FAT2: variants seen among roughly 807,000 people sequenced by gnomAD.
The protein encoded by FAT2 is FAT atypical cadherin 2, also known as protocadherin Fat 2.
FAT2 carries 150 observed loss-of-function variants against 295.3 expected under a neutral mutation model. That is an observed-to-expected ratio of 0.51 (90% CI 0.44 to 0.58). The LOEUF (loss-of-function observed/expected upper bound fraction) is 0.58, where lower values mean the gene tolerates loss of function less well. Among genes scored for constraint, FAT2 ranks in the 20% least tolerant of loss-of-function variants. The pLI is 0.00. For missense variants in FAT2, 4,868 were observed against 5,442.7 expected, an observed-to-expected ratio of 0.89 and a Z score of 3.32; for synonymous variants, 2,026 against 2,150.3, an observed-to-expected ratio of 0.94 and a Z score of 1.60.
intron 7 of FAT2, among the ~76,000 whole-genome samples, 171 bp downstream of exon 7, chr5:151,551,296 G>T (rs1399433485): frequency 6.6e-6 from 1 of 152,168 alleles, no homozygotes; most frequent in Non-Finnish European, 1.5e-5. Context: ...GTGGGAGAAA[G>T]AATTCTCCCA....
chr5:151,537,269 G>C (rs1027216434), intron 12 of FAT2, among the ~76,000 whole-genome samples: 4 of 149,682 alleles, frequency 2.7e-5, no homozygotes, highest in Admixed American at 2.0e-4. Context: ...AGAAGACGAT[G>C]GTGGTGGTGG....
chr5:151,584,672 A>G (rs1759101197), intron 1 of FAT2, among the ~76,000 whole-genome samples: 1 of 152,232 alleles, frequency 6.6e-6, no homozygotes, highest in African/African-American at 2.4e-5. Context: ...TCAGCAACCC[A>G]CAAAGGCAGG....
chr5:151,549,941 A>G (rs1339751039), intron 8 of FAT2, among the ~76,000 whole-genome samples: 1 of 152,188 alleles, frequency 6.6e-6, no homozygotes, highest in Non-Finnish European at 1.5e-5. Flanking sequence ...TGCCCAGAGG[A>G]TGATAAATTA....
Position 151,563,604 on chromosome 5 carries a change from A to C in FAT2, c.3295T>G (p.Phe1099Val), listed in dbSNP as rs758359024. 6.2e-7 allele frequency: 1 copy of C among 1,614,156 alleles called. No homozygotes were observed. Among genetic ancestry groups the C allele is most frequent in the South Asian group, 1.1e-5 (1 of 91,058 alleles). ...ACCGTCAACCAGTAGTAAGATGCAA[A>C]TTCTCGGTCCAGGGGTGCCAGAGTC... ...IQTLAPLDRE[F>V]ASYYWLTVLA... is the part of the protein sequence containing the mutation. The change falls in exon 3 of 24, where the codon TTT (phenylalanine) becomes GTT (valine). Residue 1099 changes from phenylalanine to valine, a missense_variant. Transcript: ENST00000261800.
intron 12 of FAT2, among the ~76,000 whole-genome samples, chr5:151,536,806 A>C (rs1259115658): frequency 6.6e-6 from 1 of 152,146 alleles, no homozygotes; most frequent in African/African-American, 2.4e-5. Context: ...CTTGGCCATG[A>C]CACTCACCTG....
chr5:151,549,273 A>G (rs764018856), intron 9 of FAT2, 22 bp downstream of exon 9: 90 of 1,609,204 alleles, frequency 5.6e-5, no homozygotes, highest in Non-Finnish European at 5.6e-5. Flanking sequence ...CCATCCTCTG[A>G]GCTCATGGCC....
In FAT2 at chr5:151,521,826, G is replaced by A. The variant is rs370086799; in HGVS notation, c.10767C>T (p.Ala3589=). The A allele has an allele frequency of 1.7e-5, 28 of 1,614,016 alleles. No homozygotes were observed. Among genetic ancestry groups the A allele is most frequent in the Admixed American group, 1.0e-4 (6 of 60,004 alleles). The change falls in exon 19 of 24, where the codon GCC becomes GCT. Residue 3589 remains alanine, a synonymous_variant. Transcript: ENST00000261800. ...SVGAPDGKII[A]AQGLPRGHYS... ...AGTGGCCACGAGGCAGGCCCTGGGC[G>A]GCGATAATCTTGCCATCAGGCGCAC... is the stretch of plus-strand genomic sequence containing the variant.
In FAT2 at chr5:151,531,808, G is replaced by A. The variant is rs769750949; in HGVS notation, c.9590C>T (p.Pro3197Leu). The A allele has an allele frequency of 1.9e-6, 3 of 1,613,536 alleles. No individual in the cohort carries two copies. Among genetic ancestry groups the A allele is most frequent in the East Asian group, 2.2e-5 (1 of 44,846 alleles). Residue 3197 changes from proline (P) to leucine (L), a missense_variant, in exon 14 of 24, where the codon CCG becomes CTG. Physicochemically the swap from Pro to Leu is moderately conservative, Grantham distance 98. Transcript: ENST00000261800. The surrounding 1 kb of genome is among the most constrained non-coding windows in gnomAD (Gnocchi z 5.7). Reference sequence around the variant, plus strand: ...TGTGACGGTGCCCAGCGTGGACAGCGGTATTGGGGTGCCCAGGTCAGAGGC... The same window carrying A: ...TGTGACGGTGCCCAGCGTGGACAGCAGTATTGGGGTGCCCAGGTCAGAGGC... ...VRASDLGTPI[P>L]LSTLGTVTVS...
At chr5:151,513,722 C>CA (rs1752556139) in intron 20 of FAT2, among the ~76,000 whole-genome samples, 2 of 152,158 alleles carry the variant, frequency 1.3e-5, no homozygotes, top group African/African-American at 4.8e-5. Flanking sequence ...AACAAACCTG[C>CA]ATATGTACCC....
chr5:151,592,841 A>G (rs139213812), upstream of FAT2, among the ~76,000 whole-genome samples: 444 of 152,304 alleles, frequency 2.9e-3, no homozygotes, highest in Non-Finnish European at 4.8e-3. Context: ...TAGTGAAACC[A>G]TGAAGGTTCT....
intron 1 of FAT2, among the ~76,000 whole-genome samples, chr5:151,576,276 TC>T (rs1340658775): frequency 3.3e-5 from 5 of 152,342 alleles, no homozygotes; most frequent in African/African-American, 1.2e-4. Flanking sequence ...GAATATGTCC[TC>T]AAATTATGTC....
intron 3 of FAT2, among the ~76,000 whole-genome samples, chr5:151,557,338 G>A (rs1314479454): frequency 1.3e-5 from 2 of 152,166 alleles, no homozygotes; most frequent in African/African-American, 2.4e-5. Flanking sequence ...TATCTGGGGT[G>A]AGGCTGACCC....
rs184119719 is a variant in FAT2 at position 151,565,172 on chromosome 5, C to T, written c.3259+501G>A. Among the ~76,000 whole-genome samples, 101 of 151,856 alleles carry T rather than the reference C, an allele frequency of 6.7e-4. 2 individuals carry two copies. Among genetic ancestry groups the T allele is most frequent in the African/African-American group, 2.3e-3 (95 of 41,402 alleles). ...CCTACATGGTAGAATAATATGTGGC[C>T]AATTAAAACAAATGAACTGACAAAT... On this transcript the variant is annotated intron_variant, in intron 2 of 23. Transcript: ENST00000261800.
Position 151,507,598 on chromosome 5 carries a change from C to A in FAT2, c.12073G>T (p.Ala4025Ser), listed in dbSNP as rs373396929. The stretch of plus-strand genomic sequence containing the variant: ...CAGTGTCCTTCTGAACAACCCCTCG[C>A]CTCCATTTCACACCTGCGGAGACAG... ...PYTGDRCEME[A>S]RGCSEGHCLV... Residue 4025 changes from alanine to serine, a missense_variant, in exon 23 of 24, where the codon GCG becomes TCG. Physicochemically the swap from Ala to Ser is moderately conservative, Grantham distance 99. Around this residue, in one of 5 missense-constraint regions of FAT2, gnomAD observed 492 missense variants for 482.6 expected, o/e 1.02. Transcript: ENST00000261800. 2 of 1,597,132 alleles carry A rather than the reference C, an allele frequency of 1.3e-6. No individual in the cohort carries two copies. The highest frequency in any genetic ancestry group is 1.4e-5 in the African/African-American group (1 of 69,130).
At chr5:151,580,867 C>A (rs1382123025) in intron 1 of FAT2, among the ~76,000 whole-genome samples, 1 of 152,188 alleles carries the variant, frequency 6.6e-6, no homozygotes, top group East Asian at 1.9e-4. Context: ...CCACTCTGGG[C>A]CCCTTCCCTG....
chr5:151,545,545 T>C lies in FAT2; in HGVS notation c.5582A>G (p.His1861Arg). ...FAPRPAQVII[H>R]VRDVNDSPPR... ...AGGGGAATCATTCACATCTCTGACA[T>C]GAATGATGACTTGGGCAGGTCTGGG... The change falls in exon 10 of 24, where the codon CAT becomes CGT. Residue 1861 changes from histidine (H) to arginine (R), a missense_variant. This residue lies in a region of FAT2 where 3,297 missense variants were observed against 3,669.4 expected (regional missense o/e 0.90). Coordinates refer to ENST00000261800, the MANE Select transcript of FAT2 (RefSeq NM_001447.3). The C allele has an allele frequency of 6.2e-7, 1 of 1,614,184 alleles. No homozygotes were observed. The highest frequency in any genetic ancestry group is 8.5e-7 in the Non-Finnish European group (1 of 1,180,024).
intron 3 of FAT2, among the ~76,000 whole-genome samples, chr5:151,561,487 C>A (rs1192212816): frequency 6.6e-6 from 1 of 152,190 alleles, no homozygotes; most frequent in Non-Finnish European, 1.5e-5. Flanking sequence ...ACCTCCCAGG[C>A]TCAAGCCATC....
In FAT2 at chr5:151,542,817, A is replaced by G; in HGVS notation, c.8310T>C (p.His2770=). 6.2e-7 allele frequency: 1 copy of G among 1,614,216 alleles called. No individual in the cohort carries two copies. Among genetic ancestry groups the G allele is most frequent in the Non-Finnish European group, 8.5e-7 (1 of 1,180,036 alleles). ...ACACCACATCAGTGTTCTGAAGGCA[A>G]TGTGCCATCACATCAATCTGGTACA... The part of the protein sequence containing the change: ...TKLYQIDVMA[H]CLQNTDVVSL... Residue 2770 remains histidine (H), a synonymous_variant, in exon 10 of 24, where the codon CAT becomes CAC. Coordinates refer to ENST00000261800, the MANE Select transcript of FAT2 (RefSeq NM_001447.3).
At chr5:151,509,874 GAC>G in intron 22 of FAT2, 145 bp downstream of exon 22, 2 of 896,562 alleles carry the variant, frequency 2.2e-6, no homozygotes, top group Non-Finnish European at 3.4e-6. Context: ...AAAGGTTGGG[GAC>G]CACTGCCCTA....
Sources: allele counts gnomAD v4.1 joint callset (sites outside exome capture counted in the v4.1 genomes callset), GRCh38; gene constraint gnomAD v4.1.1; regional missense constraint gnomAD v4.1.1; non-coding constraint Gnocchi (gnomAD v3.1); transcripts MANE v1.5; gene names NCBI Gene and HGNC (gene_info 2026-07-23, HGNC 2026-07-21).